Variants in PPCS observed in about 807,000 individuals in gnomAD.
The protein encoded by PPCS is phosphopantothenoylcysteine synthetase, also known as phosphopantothenate--cysteine ligase.
Under a neutral mutation model 24.6 loss-of-function variants are expected in PPCS, and 17 were observed. The ratio of observed to expected loss-of-function variants is 0.69; its 90% CI spans 0.47 to 1.04. The LOEUF (loss-of-function observed/expected upper bound fraction) is 1.04, where lower values mean the gene tolerates loss of function less well. Among genes scored for constraint, PPCS ranks in the 50% least tolerant of loss-of-function variants. The pLI is 0.00. For missense variants in PPCS, 360 were observed against 402.8 expected, an observed-to-expected ratio of 0.89 and a Z score of 0.91; for synonymous variants, 190 against 168.3, an observed-to-expected ratio of 1.13 and a Z score of -1.00.
chr1:42,459,996 C>A lies in PPCS; in HGVS notation c.*70C>A. 6.7e-7 allele frequency: 1 copy of A among 1,501,838 alleles called. No homozygotes were observed. The highest frequency in any genetic ancestry group is 8.8e-7 in the Non-Finnish European group (1 of 1,134,168). 93.0% of individuals were successfully genotyped at this position (1,501,838 alleles called of 1,614,324 possible). A position where few individuals can be genotyped will look rare whatever the true frequency, so the allele number is the denominator to read the frequency against. On this transcript the variant is annotated 3_prime_UTR_variant, in exon 3 of 3. Transcript: ENST00000372561. Reference sequence around the variant, plus strand: ...AGATGGTGAAAACTACAAAAAAAACCATGGCTTTCATATGGACAGATAAAA... The same window carrying A: ...AGATGGTGAAAACTACAAAAAAAACAATGGCTTTCATATGGACAGATAAAA...
chr1:42,458,591 T>G (rs149239198), intron 2 of PPCS, among the ~76,000 whole-genome samples: 47 of 152,326 alleles, frequency 3.1e-4, no homozygotes, highest in Admixed American at 1.2e-3. Context: ...TAGTGATAAA[T>G]GCTAAGGAGA....
Position 42,457,239 on chromosome 1 carries a change from C to T in PPCS, c.509-8C>T. On this transcript the variant is annotated splice_polypyrimidine_tract_variant and splice_region_variant and intron_variant, in intron 1 of 2. Transcript: ENST00000372561. The stretch of plus-strand genomic sequence containing the variant: ...CGATTTGTTAACACCTTGTGTTTCT[C>T]TTTGCAGGCCCTTCTGCGATGTTTT... 6.2e-7 allele frequency: 1 copy of T among 1,614,034 alleles called. No homozygotes were observed.
Position 42,460,187 on chromosome 1 carries a change from C to T in PPCS, c.*261C>T. 1 of 1,160,666 alleles carries T rather than the reference C, an allele frequency of 8.6e-7. No homozygotes were observed. Among genetic ancestry groups the T allele is most frequent in the Non-Finnish European group, 1.1e-6 (1 of 940,880 alleles). 71.9% of individuals were successfully genotyped at this position (1,160,666 alleles called of 1,614,324 possible). A position where few individuals can be genotyped will look rare whatever the true frequency, so the allele number is the denominator to read the frequency against. The stretch of plus-strand genomic sequence containing the variant: ...GGAATTATATATTCCTTAAAATATA[C>T]ATGGGGGCCTGAATGTCAGCCATCT... On this transcript the variant is annotated 3_prime_UTR_variant, in exon 3 of 3. Transcript: ENST00000372561.
rs1643373651 is a variant in PPCS at position 42,460,224 on chromosome 1, A to G, written c.*298A>G. The G allele has an allele frequency of 1.9e-6, 2 of 1,078,268 alleles. No homozygotes were observed. The highest frequency in any genetic ancestry group is 4.7e-5 in the Admixed American group (1 of 21,258). The allele number at this position is 1,078,268 out of a possible 1,614,324, so 66.8% of individuals were successfully genotyped here. A position where few individuals can be genotyped will look rare whatever the true frequency, so the allele number is the denominator to read the frequency against. ...AATGTCAGCCATCTTTATACTATAG[A>G]AAAAGGATTATGGATGCATGAATGG... On this transcript the variant is annotated 3_prime_UTR_variant, in exon 3 of 3. Transcript: ENST00000372561.
chr1:42,466,589 T>C (rs1643591787), intron 2 of PPCS, among the ~76,000 whole-genome samples: 1 of 151,858 alleles, frequency 6.6e-6, no homozygotes, highest in South Asian at 2.1e-4. Flanking sequence ...CCTTGCTCTG[T>C]CGCCCAGGCT....
chr1:42,459,408 A>G, intron 2 of PPCS, 195 bp from the exon 3 acceptor site: 1 of 598,608 alleles, frequency 1.7e-6, no homozygotes, highest in Non-Finnish European at 2.9e-6. Context: ...CGATCCACCC[A>G]TCCTGGCCTT....
At chr1:42,457,799 A>G (rs12043783) in intron 2 of PPCS, among the ~76,000 whole-genome samples, 51,794 of 151,754 alleles carry the variant, frequency 0.34, 9,385 homozygotes, top group East Asian at 0.59. Flanking sequence ...CTAAAAAAAT[A>G]CAAAAATTAG....
At chr1:42,456,434 T>C (rs1643182410), upstream of PPCS, 1 of 978,502 alleles carries the variant, frequency 1.0e-6, no homozygotes, top group African/African-American at 1.7e-5. Context: ...CTTGGCGAGA[T>C]CGGGACCTAG....
chr1:42,462,415 A>G (rs1314647966), downstream of PPCS, among the ~76,000 whole-genome samples: 1 of 152,168 alleles, frequency 6.6e-6, no homozygotes, highest in East Asian at 1.9e-4. Flanking sequence ...TTTAGTTCAG[A>G]AAAAAACACT....
Position 42,460,299 on chromosome 1 carries a change from C to G in PPCS, c.*373C>G. On this transcript the variant is annotated 3_prime_UTR_variant, in exon 3 of 3. Coordinates refer to ENST00000372561, the MANE Select transcript of PPCS (RefSeq NM_024664.4). Reference sequence around the variant, plus strand: ...GTTGAATGCCTATGTATGTCAGGCCCTGTGCTGAGCCATGAGGATTAAAAA... The same window carrying G: ...GTTGAATGCCTATGTATGTCAGGCCGTGTGCTGAGCCATGAGGATTAAAAA... The G allele has an allele frequency of 1.0e-6, 1 of 994,510 alleles. No individual in the cohort carries two copies. The highest frequency in any genetic ancestry group is 1.7e-5 in the African/African-American group (1 of 57,640). 61.6% of individuals were successfully genotyped at this position (994,510 alleles called of 1,614,324 possible).
Position 42,460,169 on chromosome 1 carries a change from T to C in PPCS, c.*243T>C. ...AAAAAGAAGAGCTTATTGGGAATTA[T>C]ATATTCCTTAAAATATACATGGGGG... is the stretch of plus-strand genomic sequence containing the variant. On this transcript the variant is annotated 3_prime_UTR_variant, in exon 3 of 3. Transcript: ENST00000372561. 8.2e-7 allele frequency: 1 copy of C among 1,216,544 alleles called. No homozygotes were observed. The highest frequency in any genetic ancestry group is 1.0e-6 in the Non-Finnish European group (1 of 975,784). The allele number at this position is 1,216,544 out of a possible 1,614,324, so 75.4% of individuals were successfully genotyped here.
chr1:42,473,073 TTGTG>T, intron 2 of PPCS: 12 of 1,170,406 alleles, frequency 1.0e-5, no homozygotes, highest in South Asian at 4.5e-5. Context: ...GCATCCTCAG[TTGTG>T]TGTGTGTGTG....
chr1:42,465,441 T>C (rs974798587), downstream of PPCS, among the ~76,000 whole-genome samples: 3 of 152,192 alleles, frequency 2.0e-5, no homozygotes, highest in African/African-American at 7.2e-5. Context: ...CTTGGCCCAC[T>C]GCAACCTCCG....
intron 1 of PPCS, 38 bp downstream of exon 1, chr1:42,457,111 C>T: frequency 6.3e-7 from 1 of 1,575,436 alleles, no homozygotes; most frequent in East Asian, 2.2e-5. Context: ...CCTGGAAGCA[C>T]AGCCTTTCTT....
downstream of PPCS, chr1:42,463,341 G>T (rs760730264): frequency 9.2e-5 from 14 of 152,258 alleles, 1 homozygote; most frequent in Non-Finnish European, 1.6e-4. Context: ...GCGCGTAGGG[G>T]CCGAGCGACC....
intron 2 of PPCS, 158 bp downstream of exon 2, chr1:42,457,508 T>C: frequency 1.5e-6 from 1 of 647,742 alleles, no homozygotes; most frequent in South Asian, 1.8e-5. Context: ...CCTCACAATC[T>C]AGTGAGGGAG....
downstream of PPCS, among the ~76,000 whole-genome samples, chr1:42,461,980 T>C (rs768257126): frequency 1.3e-5 from 2 of 152,148 alleles, no homozygotes; most frequent in Non-Finnish European, 2.9e-5. Context: ...ATTCATAGCT[T>C]TATGTGGATG....
chr1:42,459,494 T>C, intron 2 of PPCS, 109 bp from the exon 3 acceptor site: 1 of 958,252 alleles, frequency 1.0e-6, no homozygotes, highest in Non-Finnish European at 1.6e-6. Flanking sequence ...ACTGAAAAGT[T>C]TGATGGTTGA....
intron 2 of PPCS, chr1:42,468,714 G>GT (rs1220303483): frequency 1.3e-5 from 2 of 152,192 alleles, no homozygotes; most frequent in African/African-American, 4.8e-5. Flanking sequence ...AAACAACAGA[G>GT]TGAGGTAGGC....
Sources: allele counts gnomAD v4.1 joint callset (sites outside exome capture counted in the v4.1 genomes callset), GRCh38; gene constraint gnomAD v4.1.1; transcripts MANE v1.5; gene names NCBI Gene and HGNC (gene_info 2026-07-23, HGNC 2026-07-21).